STRIP1: variants seen among roughly 807,000 people sequenced by gnomAD.
STRIP1 encodes the protein striatin-interacting protein 1.
A neutral mutation model predicts 106.2 loss-of-function variants in STRIP1; 63 were observed. The observed-to-expected ratio is 0.59, with a 90% CI of 0.48 to 0.73. The LOEUF is 0.73. Ranked by LOEUF, STRIP1 falls within the 30% of genes least tolerant of loss-of-function variation. The pLI is 0.00. For missense variants in STRIP1, 857 were observed against 1,074.8 expected, an observed-to-expected ratio of 0.80 and a Z score of 2.83; for synonymous variants, 390 against 413.0, an observed-to-expected ratio of 0.94 and a Z score of 0.67.
intron 1 of STRIP1, among the ~76,000 whole-genome samples, chr1:110,036,817 T>TTTTTG (rs965484088): frequency 5.9e-5 from 9 of 152,082 alleles, no homozygotes; most frequent in Non-Finnish European, 7.4e-5. Flanking sequence ...GTGGGTATGT[T>TTTTTG]TTTTGTTTTG....
chr1:110,043,825 C>G lies in STRIP1; in HGVS notation c.1255C>G (p.Pro419Ala). 1 of 1,614,100 alleles carries G rather than the reference C, an allele frequency of 6.2e-7. No individual in the cohort carries two copies. Among genetic ancestry groups the G allele is most frequent in the Non-Finnish European group, 8.5e-7 (1 of 1,180,036 alleles). The change falls in exon 10 of 21, where the codon CCC becomes GCC. Residue 419 changes from proline (P) to alanine (A), a missense_variant. By Grantham distance (27) the Pro-to-Ala change is conservative. Around this residue, in one of 2 missense-constraint regions of STRIP1, gnomAD observed 750 missense variants for 989.8 expected, o/e 0.76. Coordinates refer to ENST00000369795, the MANE Select transcript of STRIP1 (RefSeq NM_033088.4). ...CCCACAGACTGACAGGCTGACTTGC[C>G]CCAAAGGGCTCCCGTGGGCTCCCAA... ...QHPQTDRLTC[P>A]KGLPWAPKVR...
At chr1:110,041,979 A>T in intron 8 of STRIP1, 118 bp downstream of exon 8, 1 of 1,215,366 alleles carries the variant, frequency 8.2e-7, no homozygotes, top group Non-Finnish European at 1.2e-6. Context: ...TGGTAAAAAA[A>T]ATTATTTAAA....
Position 110,043,865 on chromosome 1 carries a change from C to T in STRIP1, c.1286+9C>T, listed in dbSNP as rs922592099. ...TGGGCTCCCAAGGTCAGGTGAGTCT[C>T]AGACCTCCAGAGCACTCATAGTTCC... On this transcript the variant is annotated intron_variant, in intron 10 of 20. Transcript: ENST00000369795. 5 of 1,611,634 alleles carry T rather than the reference C, an allele frequency of 3.1e-6. No individual in the cohort carries two copies. The highest frequency in any genetic ancestry group is 2.5e-6 in the Non-Finnish European group (3 of 1,178,354).
chr1:110,053,116 C>G (rs1653380113), intron 20 of STRIP1, among the ~76,000 whole-genome samples: 1 of 152,242 alleles, frequency 6.6e-6, no homozygotes, highest in Non-Finnish European at 1.5e-5. Context: ...CTGAACATAG[C>G]CGTGTGGTTC....
chr1:110,049,331 C>A (rs1653178811), intron 16 of STRIP1, 93 bp downstream of exon 16: 1 of 1,584,710 alleles, frequency 6.3e-7, no homozygotes, highest in African/African-American at 1.3e-5. Flanking sequence ...TGGCCTTTGA[C>A]CCACTTGAAC....
chr1:110,037,773 A>G (rs1340488328), intron 1 of STRIP1, 118 bp from the exon 2 acceptor site: 14 of 689,672 alleles, frequency 2.0e-5, no homozygotes, highest in African/African-American at 3.6e-5. Flanking sequence ...ACAAAATGTG[A>G]AAAAACATAA....
At position 110,053,677 on chromosome 1, in the gene STRIP1, G is replaced by A. The variant is rs1322135198; in HGVS notation, c.2279G>A (p.Arg760Gln). ...DWAYGNDLDARPWDFQAEECA... is the reference protein window; with the variant it reads ...DWAYGNDLDAQPWDFQAEECA... The stretch of plus-strand genomic sequence containing the variant: ...TGCTTTGTCTCAGATCTTGATGCCC[G>A]GCCTTGGGACTTCCAGGCAGAGGAG... The change falls in exon 21 of 21, where the codon CGG (arginine) becomes CAG (glutamine). Residue 760 changes from arginine (R) to glutamine (Q), a missense_variant. Arg to Gln is a conservative substitution (Grantham distance 43). This residue lies in a region of STRIP1 where 750 missense variants were observed against 989.8 expected (regional missense o/e 0.76). Coordinates refer to ENST00000369795, the MANE Select transcript of STRIP1 (RefSeq NM_033088.4). 2.5e-6 allele frequency: 4 copies of A among 1,613,950 alleles called. No homozygotes were observed. The highest frequency in any genetic ancestry group is 3.4e-6 in the Non-Finnish European group (4 of 1,179,916).
upstream of STRIP1, among the ~76,000 whole-genome samples, chr1:110,032,484 T>C (rs1306321322): frequency 6.6e-6 from 1 of 152,176 alleles, no homozygotes; most frequent in African/African-American, 2.4e-5. Flanking sequence ...TTTCACAGTA[T>C]AACAACAGAT....
intron 15 of STRIP1, 39 bp downstream of exon 15, chr1:110,047,908 G>A (rs182950033): frequency 1.1e-4 from 159 of 1,491,872 alleles, no homozygotes; most frequent in Non-Finnish European, 1.4e-4. Flanking sequence ...TGGGGCAGAA[G>A]ATAGATGGAG....
In STRIP1 at chr1:110,038,078, A is replaced by ATG. The variant is rs200288144; in HGVS notation, c.250+119_250+120insGT. 4.4e-3 allele frequency: 232 copies of ATG among 52,388 alleles called. 8 individuals are homozygous for ATG. In the East Asian group the frequency reaches 0.047, roughly 11 times the overall value. 3.2% of individuals were successfully genotyped at this position (52,388 alleles called of 1,614,324 possible). ...CTTTCCCTAGTTCTATCAAATATAT[A>ATG]TATATATATATATATATATATATAT... is the stretch of plus-strand genomic sequence containing the variant. On this transcript the variant is annotated intron_variant, in intron 2 of 20. Transcript: ENST00000369795.
At chr1:110,053,558 G>C in intron 20 of STRIP1, 107 bp from the exon 21 acceptor site, 1 of 1,463,380 alleles carries the variant, frequency 6.8e-7, no homozygotes, top group Non-Finnish European at 9.3e-7. Context: ...GGATGAGCTC[G>C]GAGGTATCCT....
chr1:110,038,545 G>A, intron 2 of STRIP1, 138 bp from the exon 3 acceptor site: 1 of 645,570 alleles, frequency 1.5e-6, no homozygotes, highest in Non-Finnish European at 2.7e-6. Context: ...TTCATAATTA[G>A]AGAGCTTATT....
intron 12 of STRIP1, 98 bp from the exon 13 acceptor site, chr1:110,046,582 T>C (rs1653028673): frequency 9.7e-7 from 1 of 1,025,858 alleles, no homozygotes; most frequent in African/African-American, 1.6e-5. Context: ...TTCAGAAGAC[T>C]GTGTTTGAAG....
At chr1:110,048,671 A>G (rs1028782074) in intron 15 of STRIP1, among the ~76,000 whole-genome samples, 1 of 152,256 alleles carries the variant, frequency 6.6e-6, no homozygotes, top group Admixed American at 6.5e-5. Flanking sequence ...AAAGATGTAC[A>G]ATGAGAAGTC....
chr1:110,040,669 C>A lies in STRIP1; in HGVS notation c.616C>A (p.Pro206Thr). The A allele has an allele frequency of 9.3e-6, 15 of 1,612,364 alleles. No homozygotes were observed. Among genetic ancestry groups the A allele is most frequent in the Non-Finnish European group, 1.3e-5 (15 of 1,179,278 alleles). ...SAACSSAVRK[P>T]AISLADSTDL... ...CGCCTGCAGCAGTGCTGTGAGGAAGCCTGCCATCTCCCTGGCTGACAGCAC... is the reference window on the plus strand; with the variant it reads ...CGCCTGCAGCAGTGCTGTGAGGAAGACTGCCATCTCCCTGGCTGACAGCAC... Residue 206 changes from proline to threonine, a missense_variant, in exon 6 of 21, where the codon CCT becomes ACT. Transcript: ENST00000369795.
chr1:110,043,050 A>C, intron 8 of STRIP1, 38 bp from the exon 9 acceptor site: 1 of 1,572,706 alleles, frequency 6.4e-7, no homozygotes, highest in Non-Finnish European at 8.6e-7. Flanking sequence ...GCCTGTGGAC[A>C]CATTGACCCT....
At chr1:110,039,751 GCAGGCCCTGCC>G (rs1652667093) in intron 5 of STRIP1, 1 of 1,157,340 alleles carries the variant, frequency 8.6e-7, no homozygotes, top group Non-Finnish European at 1.2e-6. Context: ...ACCAGACAGT[GCAGGCCCTGCC>G]CAGGCCTGGG....
intron 13 of STRIP1, 32 bp from the exon 14 acceptor site, chr1:110,047,510 G>T (rs1653083148): frequency 5.7e-6 from 9 of 1,572,854 alleles, no homozygotes; most frequent in Non-Finnish European, 7.8e-6. Flanking sequence ...TTCTGGGCTG[G>T]GGTTTTATGC....
At position 110,042,093 on chromosome 1, in the gene STRIP1, G is replaced by A. The variant is rs536324134; in HGVS notation, c.885+232G>A. 2.5e-4 allele frequency among the ~76,000 whole-genome samples: 38 copies of A among 152,260 alleles called. No individual in the cohort carries two copies. In the South Asian group the frequency reaches 5.2e-3, roughly 21 times the overall value. ...AGTAGGCTGTTGGCTCTCTGACCCCGGAAGCTGTTTTCTGTCATAGAACAG... is the reference window on the plus strand; with the variant it reads ...AGTAGGCTGTTGGCTCTCTGACCCCAGAAGCTGTTTTCTGTCATAGAACAG... On this transcript the variant is annotated intron_variant, in intron 8 of 20. Coordinates refer to ENST00000369795, the MANE Select transcript of STRIP1 (RefSeq NM_033088.4).
Sources: gnomAD v4.1 joint callset for allele counts (sites outside exome capture counted in the v4.1 genomes callset) on GRCh38, gnomAD v4.1.1 for gene constraint, gnomAD v4.1.1 regional missense constraint, MANE v1.5 for transcripts, NCBI Gene and HGNC (gene_info 2026-07-23, HGNC 2026-07-21) for gene names.